Variants in RYR3 observed in about 807,000 individuals in gnomAD.
RYR3 encodes ryanodine receptor 3, also known as brain ryanodine receptor-calcium release channel.
Under a neutral mutation model 584.3 loss-of-function variants are expected in RYR3, and 207 were observed. The ratio of observed to expected loss-of-function variants is 0.35; its 90% CI spans 0.32 to 0.40. The LOEUF (loss-of-function observed/expected upper bound fraction) is 0.40. RYR3 is among the 10% of genes least tolerant of loss of function. The pLI is 1.00. For missense variants in RYR3, 5,616 were observed against 6,089.2 expected, an observed-to-expected ratio of 0.92 and a Z score of 2.59; for synonymous variants, 2,416 against 2,248.5, an observed-to-expected ratio of 1.07 and a Z score of -2.11.
intron 64 of RYR3, among the ~76,000 whole-genome samples, chr15:33,779,476 C>G (rs1198540314): frequency 1.3e-5 from 2 of 152,138 alleles, no homozygotes; most frequent in Non-Finnish European, 2.9e-5. Context: ...AAGGGCAGGT[C>G]TTTTATTTTT....
chr15:33,747,700 C>T (rs2070880940), intron 53 of RYR3, among the ~76,000 whole-genome samples: 2 of 152,158 alleles, frequency 1.3e-5, no homozygotes, highest in Admixed American at 1.3e-4. Flanking sequence ...GCTGGGATTA[C>T]AGGCATGAGC....
chr15:33,659,860 C>G lies in RYR3; in HGVS notation c.4395+54C>G. On this transcript the variant is annotated intron_variant, in intron 33 of 103. Transcript: ENST00000634891. ...CATGACAAGAGAAAGCAGCACTAAC[C>G]ATTAGGGGGAAAATCCCAGGCCTCA... The G allele has an allele frequency of 1.3e-5, 16 of 1,222,958 alleles. No homozygotes were observed. The South Asian group carries it at 1.9e-4, about 14-fold the overall frequency. The allele number at this position is 1,222,958 out of a possible 1,614,324, so 75.8% of individuals were successfully genotyped here.
intron 59 of RYR3, 127 bp from the exon 60 acceptor site, chr15:33,757,348 A>G (rs1162618317): frequency 1.3e-5 from 13 of 1,036,744 alleles, no homozygotes; most frequent in Non-Finnish European, 1.5e-5. Flanking sequence ...AAAGGGGTAG[A>G]ATTTCCTGGA....
rs376084861 is a variant in RYR3 at position 33,739,929 on chromosome 15, C to G, written c.7754C>G (p.Thr2585Arg). The change falls in exon 51 of 104, where the codon ACG becomes AGG. Residue 2585 changes from threonine (T) to arginine (R), a missense_variant. Physicochemically the swap from Thr to Arg is moderately conservative, Grantham distance 71. Coordinates refer to ENST00000634891, the MANE Select transcript of RYR3 (RefSeq NM_001036.6). Reference protein sequence around the residue: ...PDYLDTRITATLEKQISVDAD... With the variant: ...PDYLDTRITARLEKQISVDAD... ...TATTTAGATACCAGAATCACAGCCA[C>G]GTTGGAGAAACAGATCTCAGTGGAT... 941 of 1,613,774 alleles carry G rather than the reference C, an allele frequency of 5.8e-4. 9 individuals carry two copies. In the South Asian group the frequency reaches 9.7e-3, roughly 17 times the overall value.
chr15:33,523,959 A>G (rs1318298688), intron 3 of RYR3, among the ~76,000 whole-genome samples: 1 of 152,180 alleles, frequency 6.6e-6, no homozygotes, highest in Non-Finnish European at 1.5e-5. Flanking sequence ...GATGCTAGAT[A>G]TGTGTCCCCA....
chr15:33,514,859 C>T (rs1438973406), intron 3 of RYR3, among the ~76,000 whole-genome samples: 2 of 152,000 alleles, frequency 1.3e-5, no homozygotes, highest in African/African-American at 2.4e-5. Context: ...AAAAAATTAG[C>T]CAGGCATGGT....
At position 33,360,247 on chromosome 15, in the gene RYR3, C is replaced by T. The variant is rs116402622; in HGVS notation, c.51+49151C>T. Among the ~76,000 whole-genome samples, 845 of 151,914 alleles carry T rather than the reference C, an allele frequency of 5.6e-3. 7 individuals are homozygous for T. Among genetic ancestry groups the T allele is most frequent in the African/African-American group, 0.02 (812 of 41,454 alleles). ...TACAGTCGTGAGATAGGACAGTTTC[C>T]CCCACCCCTCCACAGTCAGTCCCTG... On this transcript the variant is annotated intron_variant, in intron 1 of 103. Transcript: ENST00000634891.
At chr15:33,424,648 T>C (rs1265949942) in intron 1 of RYR3, among the ~76,000 whole-genome samples, 1 of 152,174 alleles carries the variant, frequency 6.6e-6, no homozygotes, top group East Asian at 1.9e-4. Context: ...AAAAGATTCC[T>C]CTCTCTGAAG....
chr15:33,422,828 T>C (rs4327017), intron 1 of RYR3, among the ~76,000 whole-genome samples: 188 of 152,254 alleles, frequency 1.2e-3, no homozygotes, highest in African/African-American at 4.3e-3. Flanking sequence ...CAGAAAGCCA[T>C]TGAATTGGTT....
In RYR3 at chr15:33,854,431, A is replaced by T; in HGVS notation, c.13842A>T (p.Gly4614=). Residue 4614 remains glycine (G), a synonymous_variant, in exon 97 of 104, where the codon GGA becomes GGT. Transcript: ENST00000634891. ...IDMKYHIWKL[G]VVFTDNSFLY... ...TGAAGTACCATATCTGGAAGCTTGG[A>T]GTTGTTTTTACTGACAACGTAAGTA... 1 of 1,575,416 alleles carries T rather than the reference A, an allele frequency of 6.3e-7. No homozygotes were observed. The highest frequency in any genetic ancestry group is 1.2e-5 in the South Asian group (1 of 85,848).
chr15:33,497,536 C>T (rs1298667570), intron 2 of RYR3, among the ~76,000 whole-genome samples: 2 of 152,104 alleles, frequency 1.3e-5, no homozygotes, highest in African/African-American at 2.4e-5. Flanking sequence ...ACTGCAAAAC[C>T]TCCTAATTTA....
intron 3 of RYR3, among the ~76,000 whole-genome samples, chr15:33,529,291 C>T (rs982494814): frequency 3.9e-5 from 6 of 152,154 alleles, no homozygotes; most frequent in East Asian, 1.9e-4. Flanking sequence ...CATGATACCA[C>T]GTTTATCTTT....
Position 33,603,119 on chromosome 15 carries a change from T to C in RYR3, c.1923-4T>C, listed in dbSNP as rs1316965491. 2.5e-6 allele frequency: 4 copies of C among 1,612,962 alleles called. No individual in the cohort carries two copies. In the South Asian group the frequency reaches 3.3e-5, roughly 13 times the overall value. ...AGATGCCACTTGCCCATGTTTACTT[T>C]CAGTATCCGGCCAAACATCTTCCTG... On this transcript the variant is annotated splice_polypyrimidine_tract_variant and splice_region_variant and intron_variant, in intron 17 of 103. Transcript: ENST00000634891.
At chr15:33,646,079 C>G (rs1438511997) in intron 28 of RYR3, among the ~76,000 whole-genome samples, 1 of 152,184 alleles carries the variant, frequency 6.6e-6, no homozygotes, top group South Asian at 2.1e-4. Context: ...GATGCCACCC[C>G]CCTCTGGCAT....
intron 70 of RYR3, among the ~76,000 whole-genome samples, chr15:33,808,926 A>G (rs2076354822): frequency 6.6e-6 from 1 of 152,120 alleles, no homozygotes; most frequent in Admixed American, 6.5e-5. Flanking sequence ...TTTTCTGGCA[A>G]TGTTTGGCCA....
At chr15:33,524,247 T>C (rs997558770) in intron 3 of RYR3, among the ~76,000 whole-genome samples, 1 of 152,204 alleles carries the variant, frequency 6.6e-6, no homozygotes, top group African/African-American at 2.4e-5. Context: ...TTTCATAGGT[T>C]TCCTTATTCT....
At chr15:33,677,111 G>A (rs975321511) in intron 38 of RYR3, among the ~76,000 whole-genome samples, 4 of 152,118 alleles carry the variant, frequency 2.6e-5, no homozygotes, top group South Asian at 2.1e-4. Context: ...AAAATAATTC[G>A]GACAAAGTCT....
chr15:33,722,861 C>G lies in RYR3; in HGVS notation c.6766C>G (p.Leu2256Val). The G allele has an allele frequency of 6.3e-7, 1 of 1,596,362 alleles. No homozygotes were observed. Among genetic ancestry groups the G allele is most frequent in the Non-Finnish European group, 8.5e-7 (1 of 1,172,944 alleles). ...CATTAAGATCTCTGAGAACCCAGCG[C>G]TCGACCTCCCCTCTCAAGGATACAA... ...GAIKISENPA[L>V]DLPSQGYKRE... Residue 2256 changes from leucine to valine, a missense_variant, in exon 44 of 104, where the codon CTC (leucine) becomes GTC (valine). By Grantham distance (32) the Leu-to-Val change is conservative. Around this residue, in one of 9 missense-constraint regions of RYR3, gnomAD observed 1,280 missense variants for 1,426.2 expected, o/e 0.90. Coordinates refer to ENST00000634891, the MANE Select transcript of RYR3 (RefSeq NM_001036.6).
At chr15:33,761,306 A>C (rs936312935) in intron 60 of RYR3, among the ~76,000 whole-genome samples, 1 of 152,204 alleles carries the variant, frequency 6.6e-6, no homozygotes, top group Non-Finnish European at 1.5e-5. Context: ...AAAATCAGTG[A>C]ATCCAGGAGC....
Sources: gnomAD v4.1 joint callset for allele counts (sites outside exome capture counted in the v4.1 genomes callset) on GRCh38, gnomAD v4.1.1 for gene constraint, gnomAD v4.1.1 regional missense constraint, MANE v1.5 for transcripts, NCBI Gene and HGNC (gene_info 2026-07-23, HGNC 2026-07-21) for gene names.